The following ITGA2 variants were observed in gnomAD, a reference collection of about 807,000 sequenced individuals.
The protein encoded by ITGA2 is integrin alpha-2.
ITGA2 carries 101 observed loss-of-function variants against 146.3 expected under a neutral mutation model. That is an observed-to-expected ratio of 0.69 (90% CI 0.59 to 0.81). The LOEUF (loss-of-function observed/expected upper bound fraction) is 0.81, where lower values mean the gene tolerates loss of function less well. Among genes scored for constraint, ITGA2 ranks in the 40% least tolerant of loss-of-function variants. The probability of loss-of-function intolerance (pLI) is 0.00; values close to 1 mark genes in which losing one functional copy is unlikely to be tolerated. For synonymous variants in ITGA2, 477 were observed against 487.1 expected (o/e 0.98, Z 0.27); for missense variants, 1,281 against 1,402.7 (o/e 0.91, Z 1.39).
At chr5:53,014,000 G>A (rs1045418214) in intron 1 of ITGA2, among the ~76,000 whole-genome samples, 2 of 152,022 alleles carry the variant, frequency 1.3e-5, no homozygotes, top group African/African-American at 2.4e-5. Context: ...TAGGAGCTTT[G>A]AGCAGAGACT....
At chr5:53,079,962 TAC>T (rs2112021926) in intron 24 of ITGA2, among the ~76,000 whole-genome samples, 1 of 152,250 alleles carries the variant, frequency 6.6e-6, no homozygotes, top group East Asian at 1.9e-4. Flanking sequence ...ACAGATGCTG[TAC>T]CAGTGCCCTG....
At chr5:53,017,245 T>G (rs965110145) in intron 1 of ITGA2, among the ~76,000 whole-genome samples, 1 of 152,242 alleles carries the variant, frequency 6.6e-6, no homozygotes, top group Non-Finnish European at 1.5e-5. Context: ...AAATTGCTAC[T>G]TTTTGGATGG....
At chr5:53,074,667 A>G (rs1745575126) in intron 21 of ITGA2, among the ~76,000 whole-genome samples, 190 bp downstream of exon 21, 1 of 152,026 alleles carries the variant, frequency 6.6e-6, no homozygotes, top group South Asian at 2.1e-4. Context: ...TCTCCATGCA[A>G]TTCATTCCAA....
chr5:53,048,887 G>A, intron 6 of ITGA2, 117 bp downstream of exon 6: 1 of 1,147,332 alleles, frequency 8.7e-7, no homozygotes, highest in South Asian at 1.4e-5. Context: ...GCATTTGATG[G>A]TAGTTTTTAA....
chr5:53,021,269 T>C (rs189068439), intron 1 of ITGA2, among the ~76,000 whole-genome samples: 200 of 152,312 alleles, frequency 1.3e-3, no homozygotes, highest in African/African-American at 4.4e-3. Context: ...ATGGTGGTTA[T>C]TAAGAACTAA....
At chr5:53,056,263 C>A in intron 9 of ITGA2, 114 bp downstream of exon 9, 1 of 826,472 alleles carries the variant, frequency 1.2e-6, no homozygotes, top group Non-Finnish European at 1.9e-6. Context: ...AAAAGAGCTA[C>A]TACAATCAGT....
intron 23 of ITGA2, 35 bp from the exon 24 acceptor site, chr5:53,078,737 C>CAA: frequency 8.2e-7 from 1 of 1,222,408 alleles, no homozygotes; most frequent in Non-Finnish European, 1.2e-6. Flanking sequence ...CAAAAGCAAA[C>CAA]TAAAATATTT....
intron 2 of ITGA2, among the ~76,000 whole-genome samples, chr5:53,033,873 C>T (rs944642356): frequency 9.2e-5 from 14 of 151,720 alleles, no homozygotes; most frequent in African/African-American, 3.1e-4. Flanking sequence ...ATGCCATTCT[C>T]CTCCCTCAGC....
chr5:53,087,200 G>A (rs1235349443), intron 28 of ITGA2, among the ~76,000 whole-genome samples, 159 bp downstream of exon 28: 1 of 152,144 alleles, frequency 6.6e-6, no homozygotes, highest in Non-Finnish European at 1.5e-5. Flanking sequence ...TTTGGCGAGG[G>A]TGTGTGCTAC....
intron 28 of ITGA2, among the ~76,000 whole-genome samples, chr5:53,088,484 G>A (rs10065574): frequency 1.3e-5 from 2 of 151,978 alleles, no homozygotes; most frequent in East Asian, 1.9e-4. Flanking sequence ...TTGGGAGTTC[G>A]AGACCAGCTT....
chr5:53,052,257 G>C (rs920205029), intron 7 of ITGA2, among the ~76,000 whole-genome samples: 1 of 151,824 alleles, frequency 6.6e-6, no homozygotes, highest in African/African-American at 2.4e-5. Flanking sequence ...CCCTTGACAG[G>C]CCCCAGTGTG....
In ITGA2 at chr5:53,065,934, A is replaced by C; in HGVS notation, c.1900A>C (p.Thr634Pro). ...TGGAGATTTAAATGGGGATTCCATC[A>C]CCGATGTGTCTATTGGTGCCTTTGG... ...GYGDLNGDSI[T>P]DVSIGAFGQV... Residue 634 changes from threonine to proline, a missense_variant, in exon 15 of 30, where the codon ACC (threonine) becomes CCC (proline). By Grantham distance (38) the Thr-to-Pro change is conservative. Coordinates refer to ENST00000296585, the MANE Select transcript of ITGA2 (RefSeq NM_002203.4). 6.2e-7 allele frequency: 1 copy of C among 1,612,142 alleles called. No homozygotes were observed. The highest frequency in any genetic ancestry group is 8.5e-7 in the Non-Finnish European group (1 of 1,178,746).
chr5:53,080,493 AT>A lies in ITGA2; in HGVS notation c.2929-14del, dbSNP rs1418643959. 2 of 1,598,336 alleles carry A rather than the reference AT, an allele frequency of 1.3e-6. No individual in the cohort carries two copies. Among genetic ancestry groups the A allele is most frequent in the Admixed American group, 3.3e-5 (2 of 59,918 alleles). On this transcript the variant is annotated splice_polypyrimidine_tract_variant and intron_variant, in intron 24 of 29. Coordinates refer to ENST00000296585, the MANE Select transcript of ITGA2 (RefSeq NM_002203.4). The stretch of plus-strand genomic sequence containing the variant: ...GTACATCCTGTTGCAGTACTGGCAC[AT>A]TTTATTCTCTACATAGGTAACAACA...
intron 14 of ITGA2, 34 bp downstream of exon 14, chr5:53,065,149 T>C: frequency 6.3e-7 from 1 of 1,592,108 alleles, no homozygotes; most frequent in Non-Finnish European, 8.6e-7. Context: ...ATGTATGTAT[T>C]TGTGGGTCTT....
intron 10 of ITGA2, among the ~76,000 whole-genome samples, chr5:53,058,921 C>T (rs1359311683): frequency 3.3e-5 from 5 of 151,934 alleles, no homozygotes; most frequent in Non-Finnish European, 7.4e-5. Flanking sequence ...GGTTTTTGTA[C>T]ATACGCTGAA....
intron 1 of ITGA2, among the ~76,000 whole-genome samples, chr5:53,011,682 T>C (rs1179811187): frequency 6.6e-6 from 1 of 152,034 alleles, no homozygotes; most frequent in Non-Finnish European, 1.5e-5. Context: ...ATCAGAGTAA[T>C]AGTGTTTAAA....
intron 1 of ITGA2, among the ~76,000 whole-genome samples, chr5:52,998,022 T>C (rs536783486): frequency 9.2e-4 from 140 of 152,280 alleles, no homozygotes; most frequent in Non-Finnish European, 1.7e-3. Context: ...TGATTAAAAA[T>C]TTATGGAAGT....
Position 53,073,214 on chromosome 5 carries a change from T to G in ITGA2, c.2526T>G (p.Val842=), listed in dbSNP as rs1432749715. Residue 842 remains valine, a synonymous_variant, in exon 20 of 30, where the codon GTT becomes GTG. Coordinates refer to ENST00000296585, the MANE Select transcript of ITGA2 (RefSeq NM_002203.4). ...AAAGTGCATACAACACTGGAATTGT[T>G]GTTGATTTTTCAGAAAACTTGTTTT... ...KRESAYNTGI[V]VDFSENLFFA... is the part of the protein sequence containing the mutation. 1 of 1,612,560 alleles carries G rather than the reference T, an allele frequency of 6.2e-7. No homozygotes were observed. Among genetic ancestry groups the G allele is most frequent in the South Asian group, 1.1e-5 (1 of 91,060 alleles).
At chr5:53,029,541 G>C (rs1488243950) in intron 2 of ITGA2, among the ~76,000 whole-genome samples, 1 of 152,154 alleles carries the variant, frequency 6.6e-6, no homozygotes, top group East Asian at 1.9e-4. Context: ...CAGCTCAAAT[G>C]TTTCTTCCTC....
Sources: allele counts gnomAD v4.1 joint callset (sites outside exome capture counted in the v4.1 genomes callset), GRCh38; gene constraint gnomAD v4.1.1; transcripts MANE v1.5; gene names NCBI Gene and HGNC (gene_info 2026-07-23, HGNC 2026-07-21).